CLEC16A: variants seen among roughly 807,000 people sequenced by gnomAD.
CLEC16A encodes the protein protein CLEC16A.
CLEC16A carries 51 observed loss-of-function variants against 109.5 expected under a neutral mutation model. The observed-to-expected ratio is 0.47, with a 90% CI of 0.37 to 0.59. The LOEUF (loss-of-function observed/expected upper bound fraction) is 0.59, where lower values mean the gene tolerates loss of function less well. CLEC16A is among the 20% of genes least tolerant of loss of function. The probability of loss-of-function intolerance (pLI) is 0.00; values close to 1 mark genes in which losing one functional copy is unlikely to be tolerated. For missense variants in CLEC16A, 1,339 were observed against 1,394.0 expected, an observed-to-expected ratio of 0.96 and a Z score of 0.63; for synonymous variants, 673 against 564.2, an observed-to-expected ratio of 1.19 and a Z score of -2.73.
intron 1 of CLEC16A, among the ~76,000 whole-genome samples, chr16:10,951,036 G>T (rs75714040): frequency 3.3e-5 from 5 of 152,334 alleles, no homozygotes; most frequent in Non-Finnish European, 5.9e-5. Flanking sequence ...AATTTTTGAA[G>T]GATATGGGGC....
chr16:11,126,066 G>T lies in CLEC16A; in HGVS notation c.2561G>T (p.Arg854Leu), dbSNP rs764940483. The change falls in exon 22 of 24, where the codon CGC (arginine) becomes CTC (leucine). Residue 854 changes from arginine to leucine, a missense_variant. Coordinates refer to ENST00000409790, the MANE Select transcript of CLEC16A (RefSeq NM_015226.3). ...ACCTCCACTCAGCACCTGCCTTTCCGCTTCTACGACCAGGGGCGCCGGGGC... is the reference window on the plus strand; with the variant it reads ...ACCTCCACTCAGCACCTGCCTTTCCTCTTCTACGACCAGGGGCGCCGGGGC... ...SSTSTQHLPF[R>L]FYDQGRRGSS... 6.2e-7 allele frequency: 1 copy of T among 1,613,894 alleles called. No homozygotes were observed. The highest frequency in any genetic ancestry group is 8.5e-7 in the Non-Finnish European group (1 of 1,179,880).
At chr16:11,128,266 A>C (rs1222351235) in intron 22 of CLEC16A, among the ~76,000 whole-genome samples, 1 of 152,188 alleles carries the variant, frequency 6.6e-6, no homozygotes, top group Non-Finnish European at 1.5e-5. Context: ...CTGTTTGCAG[A>C]ATGCTTTAGG....
At chr16:10,945,395 G>A (rs780617383) in intron 1 of CLEC16A, among the ~76,000 whole-genome samples, 1 of 152,178 alleles carries the variant, frequency 6.6e-6, no homozygotes, top group Non-Finnish European at 1.5e-5. Flanking sequence ...GGGCATGCAC[G>A]CTGAGACCCA....
At chr16:11,010,113 A>G (rs2045310376) in intron 11 of CLEC16A, among the ~76,000 whole-genome samples, 1 of 151,426 alleles carries the variant, frequency 6.6e-6, no homozygotes, top group Non-Finnish European at 1.5e-5. Flanking sequence ...TGATCGTGCC[A>G]CACACTCCAG....
chr16:11,176,119 G>T (rs1192595075), intron 23 of CLEC16A, among the ~76,000 whole-genome samples: 1 of 152,260 alleles, frequency 6.6e-6, no homozygotes, highest in Non-Finnish European at 1.5e-5. Flanking sequence ...CAGAGCAGGT[G>T]AGCACTGCTC....
chr16:10,966,131 C>A (rs1007814196), intron 3 of CLEC16A, among the ~76,000 whole-genome samples: 1 of 152,174 alleles, frequency 6.6e-6, no homozygotes, highest in Non-Finnish European at 1.5e-5. Flanking sequence ...TGACACGATA[C>A]CCATGTTAGA....
intron 13 of CLEC16A, among the ~76,000 whole-genome samples, chr16:11,037,552 T>C (rs2047091059): frequency 1.3e-5 from 2 of 152,150 alleles, no homozygotes; most frequent in South Asian, 4.1e-4. Context: ...CCACAAATTC[T>C]AAGGAGACGG....
chr16:11,009,024 G>A (rs1018398479), intron 11 of CLEC16A, among the ~76,000 whole-genome samples: 7 of 151,912 alleles, frequency 4.6e-5, no homozygotes, highest in African/African-American at 9.7e-5. Context: ...GTACATTCAC[G>A]TTGTATAACC....
chr16:11,104,275 A>ATT (rs5815613), intron 19 of CLEC16A, among the ~76,000 whole-genome samples: 67,584 of 150,846 alleles, frequency 0.45, 15,352 homozygotes, highest in African/African-American at 0.52. Flanking sequence ...TACCCAGCTA[A>ATT]TTTTTTTTTT....
intron 17 of CLEC16A, among the ~76,000 whole-genome samples, chr16:11,051,100 C>T (rs912790116): frequency 1.3e-5 from 2 of 152,186 alleles, no homozygotes; most frequent in Admixed American, 6.5e-5. Flanking sequence ...AAGCTGCCAT[C>T]GCCATAGCTG....
chr16:11,096,636 C>T (rs1244472402), intron 19 of CLEC16A, among the ~76,000 whole-genome samples: 1 of 152,178 alleles, frequency 6.6e-6, no homozygotes. Context: ...AATGAGGTCA[C>T]CCTGTGCACG....
rs1448516261 is a variant in CLEC16A, at chr16:11,174,644, C to T, written c.2807-3691C>T. On this transcript the variant is annotated intron_variant, in intron 23 of 23. Transcript: ENST00000409790. The surrounding 1 kb of genome is among the most constrained non-coding windows in gnomAD (Gnocchi z 4.7). ...CTGCCAAGTCCCCCAGGGGTCCCCC[C>T]AGTTTAGGCCATGGGGGTTGGGCGG... 2.0e-5 allele frequency among the ~76,000 whole-genome samples: 3 copies of T among 152,270 alleles called. No individual in the cohort carries two copies. Among genetic ancestry groups the T allele is most frequent in the African/African-American group, 7.2e-5 (3 of 41,478 alleles).
chr16:11,011,558 G>C (rs138430831), intron 11 of CLEC16A, among the ~76,000 whole-genome samples: 1 of 152,138 alleles, frequency 6.6e-6, no homozygotes, highest in Non-Finnish European at 1.5e-5. Flanking sequence ...TACCTCCTCT[G>C]CCTGTCCTTG....
intron 13 of CLEC16A, 91 bp downstream of exon 13, chr16:11,025,012 GCTTTCTGTACAGAATTTC>G (rs1448342373): frequency 3.1e-6 from 3 of 957,312 alleles, no homozygotes; most frequent in Non-Finnish European, 4.9e-6. Context: ...AAAGAAAGGT[GCTTTCTGTACAGAATTTC>G]CTTTCTGGTT....
chr16:11,106,275 G>T (rs562373299), intron 19 of CLEC16A, among the ~76,000 whole-genome samples: 1 of 151,978 alleles, frequency 6.6e-6, no homozygotes, highest in Non-Finnish European at 1.5e-5. Context: ...GTCTTATCAC[G>T]TATCTACTTT....
intron 3 of CLEC16A, among the ~76,000 whole-genome samples, chr16:10,967,516 G>A (rs2042569893): frequency 6.6e-6 from 1 of 152,134 alleles, no homozygotes; most frequent in Non-Finnish European, 1.5e-5. Context: ...GACCACAGGT[G>A]CACACCATCA....
At chr16:11,016,489 C>T (rs1349023081) in intron 11 of CLEC16A, among the ~76,000 whole-genome samples, 1 of 151,926 alleles carries the variant, frequency 6.6e-6, no homozygotes, top group Non-Finnish European at 1.5e-5. Context: ...GTTGGGATTA[C>T]AGGCGCCCGC....
chr16:11,069,623 G>C (rs2048954508), intron 19 of CLEC16A, among the ~76,000 whole-genome samples: 2 of 150,590 alleles, frequency 1.3e-5, no homozygotes, highest in African/African-American at 4.9e-5. Context: ...TTAATCTTTT[G>C]TAGAGACAGG....
At chr16:11,023,869 T>A (rs1219003737) in intron 12 of CLEC16A, among the ~76,000 whole-genome samples, 1 of 152,218 alleles carries the variant, frequency 6.6e-6, no homozygotes, top group Non-Finnish European at 1.5e-5. Context: ...CCACAGACAG[T>A]GGGAGGATCA....
Sources: gnomAD v4.1 joint callset for allele counts (sites outside exome capture counted in the v4.1 genomes callset) on GRCh38, gnomAD v4.1.1 for gene constraint, Gnocchi (gnomAD v3.1) non-coding constraint, MANE v1.5 for transcripts, NCBI Gene and HGNC (gene_info 2026-07-23, HGNC 2026-07-21) for gene names.